The following CRCP variants were observed in gnomAD, a reference collection of about 807,000 sequenced individuals.
CRCP encodes CGRP receptor component.
A neutral mutation model predicts 18.5 loss-of-function variants in CRCP; 18 were observed. The observed-to-expected ratio is 0.97, with a 90% CI of 0.67 to 1.44. CRCP has a LOEUF of 1.44. Among genes scored for constraint, CRCP ranks in the 40% most tolerant of loss-of-function variants. The probability of loss-of-function intolerance (pLI) is 0.00; values close to 1 mark genes in which losing one functional copy is unlikely to be tolerated. For synonymous variants in CRCP, 53 were observed against 62.9 expected (o/e 0.84, Z 0.75); for missense variants, 130 against 176.4 (o/e 0.74, Z 1.49).
chr7:66,122,955 C>CTTT (rs199515487), intron 1 of CRCP, among the ~76,000 whole-genome samples: 1 of 118,754 alleles, frequency 8.4e-6, no homozygotes, highest in Non-Finnish European at 1.8e-5. Flanking sequence ...TTCTTTCTTT[C>CTTT]TTTTTTTTTT....
rs138431717 is a variant in CRCP, at chr7:66,119,253, G to T, written c.8+4283G>T. On this transcript the variant is annotated intron_variant, in intron 1 of 5. Transcript: ENST00000395326. ...AAGAGAACTTCTGGATAGTCTAACA[G>T]GTGGAAGTTTCTGGAGGGTGGTATG... Among the ~76,000 whole-genome samples the T allele has an allele frequency of 2.1e-3, 325 of 152,316 alleles. 2 individuals carry two copies. Among genetic ancestry groups the T allele is most frequent in the African/African-American group, 7.6e-3 (318 of 41,582 alleles).
chr7:66,149,576 G>T (rs546912355), intron 5 of CRCP, among the ~76,000 whole-genome samples: 10 of 152,236 alleles, frequency 6.6e-5, no homozygotes, highest in African/African-American at 2.2e-4. Context: ...GTGCAGAAAA[G>T]AATTTTGCTA....
chr7:66,151,739 C>CT (rs1394747814), intron 5 of CRCP, among the ~76,000 whole-genome samples: 1 of 116,510 alleles, frequency 8.6e-6, no homozygotes, highest in Admixed American at 1.0e-4. Flanking sequence ...TAGCTTTTTC[C>CT]TTTTTTTCTT....
intron 1 of CRCP, among the ~76,000 whole-genome samples, chr7:66,116,106 A>AT (rs1011099345): frequency 3.3e-4 from 50 of 151,544 alleles, no homozygotes; most frequent in African/African-American, 8.7e-4. Context: ...GCCTCTTCCG[A>AT]TTTTTTTTTA....
At chr7:66,120,761 G>A (rs186390336) in intron 1 of CRCP, 1 of 152,246 alleles carries the variant, frequency 6.6e-6, no homozygotes, top group Admixed American at 6.5e-5. Context: ...TGAAAATATA[G>A]TATTTGAGGG....
At chr7:66,126,694 A>T (rs1787627046) in intron 1 of CRCP, 1 of 414,584 alleles carries the variant, frequency 2.4e-6, no homozygotes, top group Admixed American at 2.7e-5. Flanking sequence ...TTGTTGTCTC[A>T]TTTTATCATA....
chr7:66,128,923 G>A (rs1376005295), intron 2 of CRCP, among the ~76,000 whole-genome samples: 1 of 152,152 alleles, frequency 6.6e-6, no homozygotes, highest in Non-Finnish European at 1.5e-5. Context: ...AGTAGGTTAA[G>A]TGCAGTGTCT....
chr7:66,123,772 G>A (rs868078076), intron 1 of CRCP, among the ~76,000 whole-genome samples: 10 of 150,348 alleles, frequency 6.7e-5, no homozygotes, highest in African/African-American at 2.0e-4. Flanking sequence ...AGGTGGGGGG[G>A]CCGGGCGCAG....
rs573214934 is a variant in CRCP, at chr7:66,145,582, G to GT, written c.297+90dup. 8,915 of 1,475,702 alleles carry GT rather than the reference G, an allele frequency of 6.0e-3. 38 individuals carry two copies. Among genetic ancestry groups the GT allele is most frequent in the Non-Finnish European group, 6.8e-3 (7,166 of 1,058,872 alleles). The allele number at this position is 1,475,702 out of a possible 1,614,324, so 91.4% of individuals were successfully genotyped here. On this transcript the variant is annotated intron_variant, in intron 5 of 5. Transcript: ENST00000395326. Reference sequence around the variant, plus strand: ...CTGTGGTGGACAAGCCAGGAACTGCGTTTTTTTTAAGAGGCTGCCCAACCA... The same window carrying GT: ...CTGTGGTGGACAAGCCAGGAACTGCGTTTTTTTTTAAGAGGCTGCCCAACCA...
chr7:66,116,215 C>G (rs921782401), intron 1 of CRCP, among the ~76,000 whole-genome samples: 7 of 152,022 alleles, frequency 4.6e-5, no homozygotes, highest in African/African-American at 1.7e-4. Flanking sequence ...ATGAATGGGG[C>G]CAACCGTGGT....
At position 66,145,424 on chromosome 7, in the gene CRCP, C is replaced by T; in HGVS notation, c.240-19C>T. The T allele has an allele frequency of 6.2e-7, 1 of 1,613,494 alleles. No individual in the cohort carries two copies. Among genetic ancestry groups the T allele is most frequent in the South Asian group, 1.1e-5 (1 of 91,040 alleles). ...CTTAGGGCTATGCGAGTTGTCAACG[C>T]TGTACTTTCCCTCCACAGAGCTGAG... On this transcript the variant is annotated intron_variant, in intron 4 of 5. Transcript: ENST00000395326.
At chr7:66,127,245 A>G (rs1787641771) in intron 1 of CRCP, among the ~76,000 whole-genome samples, 1 of 152,214 alleles carries the variant, frequency 6.6e-6, no homozygotes, top group Non-Finnish European at 1.5e-5. Flanking sequence ...TAACTGTTAC[A>G]CAGGGAACCA....
At chr7:66,134,482 G>T (rs774327555) in intron 4 of CRCP, 108 bp downstream of exon 4, 8 of 785,672 alleles carry the variant, frequency 1.0e-5, no homozygotes, top group Non-Finnish European at 1.5e-5. Flanking sequence ...TTTAAAGAAG[G>T]ATTATAGTAT....
At chr7:66,147,341 GAA>G (rs11316310) in intron 5 of CRCP, among the ~76,000 whole-genome samples, 149 of 139,720 alleles carry the variant, frequency 1.1e-3, no homozygotes, top group Non-Finnish European at 9.8e-4. Context: ...TCCATCTTGG[GAA>G]AAAAAAAAAA....
intron 1 of CRCP, among the ~76,000 whole-genome samples, chr7:66,123,614 G>A (rs1342051086): frequency 6.6e-6 from 1 of 152,032 alleles, no homozygotes; most frequent in African/African-American, 2.4e-5. Context: ...CAGGTGTGGT[G>A]GCTCATGCCT....
intron 1 of CRCP, among the ~76,000 whole-genome samples, chr7:66,122,395 A>AAAAAT (rs1258633017): frequency 6.6e-6 from 1 of 150,684 alleles, no homozygotes; most frequent in Non-Finnish European, 1.5e-5. Flanking sequence ...AAAAAAAAAA[A>AAAAAT]GGCACTGTTT....
intron 1 of CRCP, chr7:66,126,606 A>G: frequency 2.3e-6 from 1 of 426,072 alleles, no homozygotes; most frequent in South Asian, 1.7e-5. Context: ...TAACTGGGAT[A>G]ATATCTTTTA....
At chr7:66,134,189 G>A in intron 3 of CRCP, 91 bp from the exon 4 acceptor site, 1 of 1,038,942 alleles carries the variant, frequency 9.6e-7, no homozygotes, top group Non-Finnish European at 1.4e-6. Context: ...CAAAATTTTA[G>A]AATTTTAATT....
chr7:66,145,551 G>A (rs1366214319), intron 5 of CRCP, 51 bp downstream of exon 5: 4 of 1,595,130 alleles, frequency 2.5e-6, no homozygotes, highest in Non-Finnish European at 3.4e-6. Context: ...CTGAGATGTA[G>A]AATGGCTGTG....
Sources: allele counts gnomAD v4.1 joint callset (sites outside exome capture counted in the v4.1 genomes callset), GRCh38; gene constraint gnomAD v4.1.1; transcripts MANE v1.5; gene names NCBI Gene and HGNC (gene_info 2026-07-23, HGNC 2026-07-21).